The following FANCL variants were observed in gnomAD, a reference collection of about 807,000 sequenced individuals.
FANCL encodes the protein E3 ubiquitin-protein ligase FANCL.
In FANCL, 69 loss-of-function variants were observed where a neutral mutation model predicts 59.4. The ratio of observed to expected loss-of-function variants is 1.16; its 90% confidence interval spans 0.96 to 1.42. The LOEUF (loss-of-function observed/expected upper bound fraction) is 1.42, where lower values mean the gene tolerates loss of function less well. FANCL is among the 40% of genes most tolerant of loss of function. The pLI, the probability that FANCL is intolerant of heterozygous loss-of-function variation, is 0.00. For synonymous variants in FANCL, 180 were observed against 147.1 expected (o/e 1.22, Z -1.62); for missense variants, 519 against 447.2 (o/e 1.16, Z -1.45).
rs571462973 is a variant in FANCL, at chr2:58,183,295, A to T, written c.540+15299T>A. ...AACTCTTAAGTTTAGAGATTATTTC[A>T]CTAATTGCAGAGCTTCAGAGTTACA... is the stretch of plus-strand genomic sequence containing the variant. On this transcript the variant is annotated intron_variant, in intron 7 of 13. Transcript: ENST00000233741. Among the ~76,000 whole-genome samples the T allele has an allele frequency of 3.9e-5, 6 of 152,052 alleles. No homozygotes were observed. The East Asian group carries it at 1.2e-3, about 29-fold the overall frequency.
Position 58,201,968 on chromosome 2 carries a change from TA to T in FANCL, c.471+2161del, listed in dbSNP as rs928930934. 4.0e-5 allele frequency among the ~76,000 whole-genome samples: 6 copies of T among 151,532 alleles called. No homozygotes were observed. In the South Asian group the frequency reaches 6.2e-4, roughly 16 times the overall value. ...AGCCTACTTTGAGGTATGTTATTAA[TA>T]AAAAAAATTCAGCATTCCACTTAAA... is the stretch of plus-strand genomic sequence containing the variant. On this transcript the variant is annotated intron_variant, in intron 6 of 13. Transcript: ENST00000233741.
intron 11 of FANCL, among the ~76,000 whole-genome samples, chr2:58,162,663 C>G (rs1685380284): frequency 6.6e-6 from 1 of 151,802 alleles, no homozygotes; most frequent in Admixed American, 6.6e-5. Context: ...CATGGGCAGC[C>G]CTGAAATCAA....
At chr2:58,181,383 G>T (rs1317356157) in intron 7 of FANCL, among the ~76,000 whole-genome samples, 2 of 151,986 alleles carry the variant, frequency 1.3e-5, no homozygotes, top group African/African-American at 4.8e-5. Context: ...AAATAATGGG[G>T]ATTTACTAGG....
At chr2:58,232,302 T>A (rs1054728402) in intron 1 of FANCL, among the ~76,000 whole-genome samples, 190 bp from the exon 2 acceptor site, 1 of 152,132 alleles carries the variant, frequency 6.6e-6, no homozygotes, top group African/African-American at 2.4e-5. Flanking sequence ...AACTCAAAAC[T>A]GTCTTACAAA....
intron 1 of FANCL, among the ~76,000 whole-genome samples, chr2:58,240,911 A>C (rs538713797): frequency 2.0e-5 from 3 of 152,324 alleles, no homozygotes; most frequent in South Asian, 2.1e-4. Flanking sequence ...AAATTAAAAA[A>C]CAGTCAATTG....
At chr2:58,176,973 C>A (rs936056576) in intron 7 of FANCL, among the ~76,000 whole-genome samples, 5 of 152,000 alleles carry the variant, frequency 3.3e-5, no homozygotes, top group Admixed American at 3.3e-4. Context: ...GGGCAAAGGA[C>A]ATGAACAGAC....
At position 58,159,482 on chromosome 2, in the gene FANCL, C is replaced by CAGAT. The variant is rs1267256014; in HGVS notation, c.*279_*282dup. ...GAGCCTCATCAAGATTTTACCAGTCCAGATATATTCAAGAAGTCAAGATCT... is the reference window on the plus strand; with the variant it reads ...GAGCCTCATCAAGATTTTACCAGTCCAGATAGATATATTCAAGAAGTCAAGATCT... On this transcript the variant is annotated 3_prime_UTR_variant, in exon 14 of 14. Transcript: ENST00000233741. The CAGAT allele has an allele frequency of 5.0e-6, 8 of 1,613,490 alleles. No individual in the cohort carries two copies. Among genetic ancestry groups the CAGAT allele is most frequent in the African/African-American group, 1.3e-5 (1 of 74,858 alleles).
In FANCL at chr2:58,162,951, A is replaced by C. The variant is rs2104795280; in HGVS notation, c.822-4T>G. The C allele has an allele frequency of 6.2e-7, 1 of 1,613,016 alleles. No individual in the cohort carries two copies. Among genetic ancestry groups the C allele is most frequent in the Non-Finnish European group, 8.5e-7 (1 of 1,179,182 alleles). On this transcript the variant is annotated splice_polypyrimidine_tract_variant and splice_region_variant and intron_variant, in intron 10 of 13. Coordinates refer to ENST00000233741, the MANE Select transcript of FANCL (RefSeq NM_018062.4). ...TAACACACTATTTTCTGGATCCCTG[A>C]AAGCATGGGGAAAAAAATTATGCTG...
In FANCL at chr2:58,163,036, G is replaced by A. The variant is rs1047208127; in HGVS notation, c.814C>T (p.His272Tyr). 1 of 1,612,492 alleles carries A rather than the reference G, an allele frequency of 6.2e-7. No homozygotes were observed. Among genetic ancestry groups the A allele is most frequent in the Non-Finnish European group, 8.5e-7 (1 of 1,179,030 alleles). The change falls in exon 10 of 14, where the codon CAT (histidine) becomes TAT (tyrosine). Residue 272 changes from histidine (H) to tyrosine (Y), a missense_variant. Transcript: ENST00000233741. ...TATTGCCAAGGTACCTACCACAAAT[G>A]TATGTTCCTGCTCAGCTTAATTCCC... is the stretch of plus-strand genomic sequence containing the variant. ...PLGIKLSRNIHLWDPENSVLQ... is the reference protein window; with the variant it reads ...PLGIKLSRNIYLWDPENSVLQ...
intron 5 of FANCL, among the ~76,000 whole-genome samples, chr2:58,210,794 GCAAT>G (rs1391593244): frequency 6.6e-6 from 1 of 152,136 alleles, no homozygotes; most frequent in African/African-American, 2.4e-5. Flanking sequence ...ATCCAGCAGG[GCAAT>G]CAAATCTTAA....
At chr2:58,236,659 G>A (rs897166992) in intron 1 of FANCL, among the ~76,000 whole-genome samples, 10 of 151,816 alleles carry the variant, frequency 6.6e-5, no homozygotes, top group Non-Finnish European at 1.3e-4. Context: ...GTAAATAGTC[G>A]AAGCACCCCC....
chr2:58,163,687 G>C (rs897816505), intron 8 of FANCL, among the ~76,000 whole-genome samples, 170 bp from the exon 9 acceptor site: 3 of 151,924 alleles, frequency 2.0e-5, no homozygotes, highest in Non-Finnish European at 4.4e-5. Context: ...ACCAAAAGAA[G>C]TAATTTTGAT....
chr2:58,233,230 A>G (rs941761282), intron 1 of FANCL, among the ~76,000 whole-genome samples: 1 of 138,358 alleles, frequency 7.2e-6, no homozygotes, highest in Non-Finnish European at 1.5e-5. Context: ...CTTAATTTAC[A>G]CGAAAAATAG....
intron 7 of FANCL, among the ~76,000 whole-genome samples, chr2:58,191,545 G>C (rs1482173556): frequency 1.3e-5 from 2 of 151,770 alleles, no homozygotes; most frequent in East Asian, 3.9e-4. Flanking sequence ...ACGTAGCCTG[G>C]TGAGATTGAC....
intron 7 of FANCL, among the ~76,000 whole-genome samples, chr2:58,186,881 CA>C (rs1688455057): frequency 6.6e-6 from 1 of 152,102 alleles, no homozygotes; most frequent in African/African-American, 2.4e-5. Context: ...CATCTCACAC[CA>C]GTTAGAATGG....
chr2:58,164,760 T>C (rs538247632), intron 8 of FANCL, among the ~76,000 whole-genome samples: 2 of 152,184 alleles, frequency 1.3e-5, no homozygotes, highest in African/African-American at 4.8e-5. Context: ...ATTCTTAGTA[T>C]CTACTTGTTC....
intron 1 of FANCL, among the ~76,000 whole-genome samples, chr2:58,237,249 T>TA (rs1694107989): frequency 6.6e-6 from 1 of 152,156 alleles, no homozygotes; most frequent in Non-Finnish European, 1.5e-5. Flanking sequence ...ATAAATATTT[T>TA]AAAAATTTAA....
chr2:58,190,931 G>A (rs1455367096), intron 7 of FANCL, among the ~76,000 whole-genome samples: 1 of 151,824 alleles, frequency 6.6e-6, no homozygotes, highest in African/African-American at 2.4e-5. Flanking sequence ...ACATTTCTTA[G>A]TGATGCTAGG....
chr2:58,179,498 T>C, intron 7 of FANCL, among the ~76,000 whole-genome samples: 1 of 152,300 alleles, frequency 6.6e-6, no homozygotes, highest in African/African-American at 2.4e-5. Context: ...GATTCCCTAT[T>C]TATTAAACGG....
Sources: gnomAD v4.1 joint callset for allele counts (sites outside exome capture counted in the v4.1 genomes callset) on GRCh38, gnomAD v4.1.1 for gene constraint, MANE v1.5 for transcripts, NCBI Gene and HGNC (gene_info 2026-07-23, HGNC 2026-07-21) for gene names.